SLC6A6: variants seen among roughly 807,000 people sequenced by gnomAD.
SLC6A6 encodes the protein sodium- and chloride-dependent taurine transporter.
Under a neutral mutation model 68.8 loss-of-function variants are expected in SLC6A6, and 16 were observed. The ratio of observed to expected loss-of-function variants is 0.23; its 90% CI spans 0.16 to 0.35. The LOEUF (loss-of-function observed/expected upper bound fraction) is 0.35. SLC6A6 is among the 10% of genes least tolerant of loss of function. SLC6A6 has a pLI of 1.00. For missense variants in SLC6A6, 474 were observed against 802.8 expected, an observed-to-expected ratio of 0.59 and a Z score of 4.95; for synonymous variants, 312 against 315.4, an observed-to-expected ratio of 0.99 and a Z score of 0.12.
At position 14,467,783 on chromosome 3, in the gene SLC6A6, G is replaced by A. The variant is rs577734067; in HGVS notation, c.868-70G>A. The A allele has an allele frequency of 9.4e-5, 85 of 907,680 alleles. 1 individual carries two copies. The East Asian group carries it at 1.7e-3, about 18-fold the overall frequency. The allele number at this position is 907,680 out of a possible 1,614,324, so 56.2% of individuals were successfully genotyped here. A position where few individuals can be genotyped will look rare whatever the true frequency, so the allele number is the denominator to read the frequency against. Reference sequence around the variant, plus strand: ...CCATCGCCAGGTGGACATAACCCTCGCTGCCTCCTCCAGGAAGCCAGCTCT... The same window carrying A: ...CCATCGCCAGGTGGACATAACCCTCACTGCCTCCTCCAGGAAGCCAGCTCT... On this transcript the variant is annotated intron_variant, in intron 7 of 14. Coordinates refer to ENST00000622186, the MANE Select transcript of SLC6A6 (RefSeq NM_003043.6).
chr3:14,473,452 G>A (rs1700799949), intron 10 of SLC6A6, among the ~76,000 whole-genome samples: 3 of 152,274 alleles, frequency 2.0e-5, no homozygotes, highest in Non-Finnish European at 4.4e-5. Flanking sequence ...TGCAGCCAGG[G>A]CGGGAGAACC....
chr3:14,441,243 G>T (rs1364829221), intron 2 of SLC6A6, among the ~76,000 whole-genome samples: 1 of 151,990 alleles, frequency 6.6e-6, no homozygotes, highest in African/African-American at 2.4e-5. Flanking sequence ...GAGGCTCCAG[G>T]GTCATTTCCT....
At chr3:14,423,088 A>AG (rs1259938175) in intron 2 of SLC6A6, among the ~76,000 whole-genome samples, 1 of 152,226 alleles carries the variant, frequency 6.6e-6, no homozygotes, top group Non-Finnish European at 1.5e-5. Flanking sequence ...AGGTGGGAAG[A>AG]GGTGGCATGT....
At chr3:14,434,126 A>G (rs1699797639) in intron 2 of SLC6A6, among the ~76,000 whole-genome samples, 2 of 152,138 alleles carry the variant, frequency 1.3e-5, no homozygotes, top group Admixed American at 1.3e-4. Context: ...CTTTGCCCCC[A>G]GTTCTTTGCC....
At chr3:14,414,405 C>T (rs1699318526) in intron 1 of SLC6A6, among the ~76,000 whole-genome samples, 1 of 152,244 alleles carries the variant, frequency 6.6e-6, no homozygotes, top group African/African-American at 2.4e-5. Context: ...GTCAGTCCAT[C>T]TAGACCCCTT....
intron 1 of SLC6A6, among the ~76,000 whole-genome samples, chr3:14,404,540 T>C (rs1418386010): frequency 1.3e-5 from 2 of 152,342 alleles, no homozygotes; most frequent in Admixed American, 6.5e-5. Flanking sequence ...AGACTGGTTA[T>C]AGAGTAAACC....
At chr3:14,428,952 T>TA (rs1699662220) in intron 2 of SLC6A6, among the ~76,000 whole-genome samples, 1 of 152,170 alleles carries the variant, frequency 6.6e-6, no homozygotes, top group African/African-American at 2.4e-5. Context: ...TTCCTGTCCT[T>TA]AGAGACACTG....
At chr3:14,484,282 C>T (rs1211332744) in intron 14 of SLC6A6, among the ~76,000 whole-genome samples, 1 of 152,168 alleles carries the variant, frequency 6.6e-6, no homozygotes, top group Non-Finnish European at 1.5e-5. Context: ...AAGGGCAGCT[C>T]AAATGCGAGC....
chr3:14,435,666 C>A (rs954716145), intron 2 of SLC6A6, among the ~76,000 whole-genome samples: 5 of 152,222 alleles, frequency 3.3e-5, no homozygotes, highest in Non-Finnish European at 5.9e-5. Flanking sequence ...CCACGGCCAC[C>A]TTAGGTGACC....
intron 2 of SLC6A6, among the ~76,000 whole-genome samples, chr3:14,423,227 G>A (rs1374917328): frequency 2.6e-5 from 4 of 152,212 alleles, no homozygotes; most frequent in Non-Finnish European, 5.9e-5. Context: ...AGAAGGGGAC[G>A]AAGTGCCTCT....
At position 14,489,053 on chromosome 3, in the gene SLC6A6, A is replaced by G. The variant is rs1292428145; in HGVS notation, c.*4046A>G. Reference sequence around the variant, plus strand: ...CAGGACATTTTTTTAAAACTTCAAAATATTTTTAAGATATTTTAAACTTTT... The same window carrying G: ...CAGGACATTTTTTTAAAACTTCAAAGTATTTTTAAGATATTTTAAACTTTT... On this transcript the variant is annotated 3_prime_UTR_variant, in exon 15 of 15. Coordinates refer to ENST00000622186, the MANE Select transcript of SLC6A6 (RefSeq NM_003043.6). The G allele has an allele frequency of 6.6e-6, 1 of 152,470 alleles. No homozygotes were observed. The highest frequency in any genetic ancestry group is 2.4e-5 in the African/African-American group (1 of 41,404). 9.4% of individuals were successfully genotyped at this position (152,470 alleles called of 1,614,324 possible).
chr3:14,430,548 G>A (rs1181159810), intron 2 of SLC6A6, among the ~76,000 whole-genome samples: 4 of 152,210 alleles, frequency 2.6e-5, no homozygotes, highest in Non-Finnish European at 4.4e-5. Flanking sequence ...CTGCATCCTA[G>A]CCCCACCCGA....
chr3:14,406,379 A>G (rs191159516), intron 1 of SLC6A6, among the ~76,000 whole-genome samples: 1 of 152,094 alleles, frequency 6.6e-6, no homozygotes, highest in African/African-American at 2.4e-5. Flanking sequence ...TACTGGGTTT[A>G]AGGATAGTGG....
intron 5 of SLC6A6, chr3:14,448,093 G>C (rs1700171802): frequency 1.7e-6 from 2 of 1,174,634 alleles, no homozygotes; most frequent in African/African-American, 1.5e-5. Context: ...TTACTACCCT[G>C]TGAGGCAGGT....
chr3:14,461,368 G>A (rs1307784673), intron 6 of SLC6A6, among the ~76,000 whole-genome samples: 3 of 152,166 alleles, frequency 2.0e-5, no homozygotes, highest in East Asian at 1.9e-4. Flanking sequence ...GGACCCAGGC[G>A]GCCCCACTCC....
At chr3:14,420,465 C>G (rs904119308) in intron 2 of SLC6A6, among the ~76,000 whole-genome samples, 1 of 149,062 alleles carries the variant, frequency 6.7e-6, no homozygotes, top group African/African-American at 2.5e-5. Context: ...TGGCTGGTTA[C>G]AGTTTCTCTT....
At chr3:14,434,604 C>A (rs1005441144) in intron 2 of SLC6A6, among the ~76,000 whole-genome samples, 1 of 152,242 alleles carries the variant, frequency 6.6e-6, no homozygotes, top group African/African-American at 2.4e-5. Context: ...ACTTGGCCTG[C>A]ATGACCCAGC....
At chr3:14,408,041 C>A (rs969249000) in intron 1 of SLC6A6, among the ~76,000 whole-genome samples, 1 of 151,942 alleles carries the variant, frequency 6.6e-6, no homozygotes, top group African/African-American at 2.4e-5. Flanking sequence ...TGGGTTGTTT[C>A]CAGCTGGGGG....
intron 10 of SLC6A6, among the ~76,000 whole-genome samples, chr3:14,475,870 T>C (rs749318665): frequency 3.9e-5 from 6 of 152,234 alleles, no homozygotes; most frequent in African/African-American, 4.8e-5. Flanking sequence ...AGCCTCCTGC[T>C]CGTCTTTTCC....
Sources: allele counts gnomAD v4.1 joint callset (sites outside exome capture counted in the v4.1 genomes callset), GRCh38; gene constraint gnomAD v4.1.1; transcripts MANE v1.5; gene names NCBI Gene and HGNC (gene_info 2026-07-23, HGNC 2026-07-21).